ASZ1: variants seen among roughly 807,000 people sequenced by gnomAD.
The protein encoded by ASZ1 is ankyrin repeat, SAM and basic leucine zipper domain containing 1.
Under a neutral mutation model 61.8 loss-of-function variants are expected in ASZ1, and 67 were observed. That is an observed-to-expected ratio of 1.08 (90% CI 0.89 to 1.33). The LOEUF (loss-of-function observed/expected upper bound fraction) is 1.33. ASZ1 is among the 40% of genes most tolerant of loss of function. ASZ1 has a pLI of 0.00. For synonymous variants in ASZ1, 193 were observed against 192.7 expected, an observed-to-expected ratio of 1.00 and a Z score of -0.01; for missense variants, 577 against 554.5, an observed-to-expected ratio of 1.04 and a Z score of -0.41.
intron 4 of ASZ1, among the ~76,000 whole-genome samples, chr7:117,414,769 T>C (rs1461025545): frequency 6.6e-6 from 1 of 152,210 alleles, no homozygotes; most frequent in African/African-American, 2.4e-5. Flanking sequence ...TTGCTGAGAA[T>C]GATGGTTTCC....
At chr7:117,406,611 G>T (rs1433421984) in intron 4 of ASZ1, among the ~76,000 whole-genome samples, 1 of 152,062 alleles carries the variant, frequency 6.6e-6, no homozygotes, top group Admixed American at 6.6e-5. Context: ...AAATTAGCCA[G>T]GCGTGGTGGT....
At chr7:117,425,259 CTTTTTTTTTTTTTTTTTTT>C (rs71148368) in intron 2 of ASZ1, among the ~76,000 whole-genome samples, 1 of 93,858 alleles carries the variant, frequency 1.1e-5, no homozygotes, top group Non-Finnish European at 2.0e-5. Flanking sequence ...TGAGTAATTT[CTTTTTTTTTTTTTTTTTTT>C]TTTTTGAGAC....
intron 3 of ASZ1, 128 bp from the exon 4 acceptor site, chr7:117,420,402 T>A (rs934918510): frequency 2.9e-5 from 16 of 560,582 alleles, no homozygotes; most frequent in Non-Finnish European, 4.5e-5. Flanking sequence ...TCTCTCACTC[T>A]TAGCAGGTAA....
chr7:117,370,656 G>A (rs1796032121), intron 10 of ASZ1, among the ~76,000 whole-genome samples: 2 of 152,096 alleles, frequency 1.3e-5, no homozygotes, highest in African/African-American at 2.4e-5. Context: ...ACCATAAGAT[G>A]CCACATTCTA....
chr7:117,418,790 C>T (rs967679237), intron 4 of ASZ1, among the ~76,000 whole-genome samples: 4 of 151,930 alleles, frequency 2.6e-5, no homozygotes, highest in African/African-American at 9.7e-5. Flanking sequence ...AGTGAAACCC[C>T]GTCTCTACAA....
chr7:117,421,695 A>C (rs1410249806), intron 3 of ASZ1, among the ~76,000 whole-genome samples: 1 of 152,220 alleles, frequency 6.6e-6, no homozygotes, highest in East Asian at 1.9e-4. Context: ...TGAAATTATG[A>C]AGAAAATTTA....
At chr7:117,418,685 G>T (rs1797044106) in intron 4 of ASZ1, among the ~76,000 whole-genome samples, 1 of 147,966 alleles carries the variant, frequency 6.8e-6, no homozygotes, top group Non-Finnish European at 1.5e-5. Flanking sequence ...AGGTAGGCCA[G>T]TTATGGTGGC....
intron 1 of ASZ1, 130 bp from the exon 2 acceptor site, chr7:117,427,065 T>G: frequency 9.6e-7 from 1 of 1,045,178 alleles, no homozygotes; most frequent in Non-Finnish European, 1.4e-6. Context: ...GATACAAAGT[T>G]TGAAAAGAAT....
chr7:117,414,888 G>C (rs892413122), intron 4 of ASZ1, among the ~76,000 whole-genome samples: 1 of 152,078 alleles, frequency 6.6e-6, no homozygotes, highest in African/African-American at 2.4e-5. Flanking sequence ...GTCATTGATG[G>C]GCATTTGGGT....
chr7:117,401,431 A>G (rs1458072812), intron 4 of ASZ1, among the ~76,000 whole-genome samples: 1 of 151,814 alleles, frequency 6.6e-6, no homozygotes, highest in Non-Finnish European at 1.5e-5. Flanking sequence ...AAAAACAACC[A>G]GAGGATAAAA....
Position 117,420,388 on chromosome 7 carries a change from C to G in ASZ1, c.329-114G>C, listed in dbSNP as rs1446240554. Reference sequence around the variant, plus strand: ...ACTCTAAAACTCTATAACCTCTTCCCAAATCTCTCACTCTTAGCAGGTAAC... The same window carrying G: ...ACTCTAAAACTCTATAACCTCTTCCGAAATCTCTCACTCTTAGCAGGTAAC... On this transcript the variant is annotated intron_variant, in intron 3 of 12. Transcript: ENST00000284629. The G allele has an allele frequency of 4.9e-6, 3 of 611,176 alleles. No homozygotes were observed. In the East Asian group the frequency reaches 9.1e-5, roughly 19 times the overall value. The allele number at this position is 611,176 out of a possible 1,614,324, so 37.9% of individuals were successfully genotyped here. A position where few individuals can be genotyped will look rare whatever the true frequency, so the allele number is the denominator to read the frequency against.
At chr7:117,427,136 G>A (rs949870548) in intron 1 of ASZ1, among the ~76,000 whole-genome samples, 9 of 152,140 alleles carry the variant, frequency 5.9e-5, no homozygotes, top group African/African-American at 2.2e-4. Context: ...CAACTGAGGA[G>A]TTACGATGAC....
At chr7:117,415,415 A>G (rs937925149) in intron 4 of ASZ1, among the ~76,000 whole-genome samples, 38 of 152,296 alleles carry the variant, frequency 2.5e-4, no homozygotes, top group Middle Eastern at 3.4e-3. Context: ...CAATTATCAG[A>G]TTGACAGATC....
chr7:117,412,039 A>AGTGTGTGTGT (rs57672347), intron 4 of ASZ1, among the ~76,000 whole-genome samples: 33 of 128,432 alleles, frequency 2.6e-4, no homozygotes, highest in South Asian at 5.1e-4. Context: ...AGTGAAAAGA[A>AGTGTGTGTGT]GTGTGTGTGT....
At chr7:117,408,204 C>T (rs1194238006) in intron 4 of ASZ1, among the ~76,000 whole-genome samples, 1 of 152,056 alleles carries the variant, frequency 6.6e-6, no homozygotes, top group Non-Finnish European at 1.5e-5. Context: ...GTCTTTCTGC[C>T]TCCGTCCCCC....
intron 10 of ASZ1, among the ~76,000 whole-genome samples, chr7:117,376,320 C>A (rs1208129449): frequency 2.0e-5 from 3 of 152,064 alleles, no homozygotes; most frequent in African/African-American, 4.8e-5. Flanking sequence ...AAGCTTCCCC[C>A]ACAAAATATC....
intron 4 of ASZ1, among the ~76,000 whole-genome samples, chr7:117,392,692 T>TG (rs1314030769): frequency 6.6e-6 from 1 of 152,196 alleles, no homozygotes; most frequent in Non-Finnish European, 1.5e-5. Context: ...TGTTTTAATT[T>TG]GCCGATAAAT....
intron 7 of ASZ1, among the ~76,000 whole-genome samples, chr7:117,382,543 A>C (rs924011218): frequency 6.6e-6 from 1 of 152,046 alleles, no homozygotes; most frequent in African/African-American, 2.4e-5. Context: ...ACACCTCTTT[A>C]ATTGCAATAA....
At chr7:117,403,293 A>G (rs1796715233) in intron 4 of ASZ1, among the ~76,000 whole-genome samples, 1 of 152,156 alleles carries the variant, frequency 6.6e-6, no homozygotes, top group Admixed American at 6.5e-5. Context: ...AGGTTTTTGC[A>G]CAGGCCATAC....
Sources: gnomAD v4.1 joint callset for allele counts (sites outside exome capture counted in the v4.1 genomes callset) on GRCh38, gnomAD v4.1.1 for gene constraint, MANE v1.5 for transcripts, NCBI Gene and HGNC (gene_info 2026-07-23, HGNC 2026-07-21) for gene names.